Variants in ARHGEF28 observed in about 807,000 individuals in gnomAD.
ARHGEF28 encodes the protein 190 kDa guanine nucleotide exchange factor.
In ARHGEF28, 152 loss-of-function variants were observed where a neutral mutation model predicts 206.6. The observed-to-expected ratio is 0.74, with a 90% confidence interval of 0.64 to 0.84. The LOEUF (loss-of-function observed/expected upper bound fraction) is 0.84, where lower values mean the gene tolerates loss of function less well. ARHGEF28 is among the 40% of genes least tolerant of loss of function. The pLI, the probability that ARHGEF28 is intolerant of heterozygous loss-of-function variation, is 0.00. For synonymous variants in ARHGEF28, 763 were observed against 776.4 expected (o/e 0.98, Z 0.29); for missense variants, 2,028 against 2,073.2 (o/e 0.98, Z 0.42).
intron 1 of ARHGEF28, among the ~76,000 whole-genome samples, chr5:73,660,104 C>G (rs1373519268): frequency 6.6e-6 from 1 of 152,168 alleles, no homozygotes; most frequent in Non-Finnish European, 1.5e-5. Context: ...ATACTTCTTT[C>G]AAATCTGGAG....
At chr5:73,767,326 G>T (rs1370602213) in intron 4 of ARHGEF28, among the ~76,000 whole-genome samples, 1 of 152,184 alleles carries the variant, frequency 6.6e-6, no homozygotes, top group Non-Finnish European at 1.5e-5. Context: ...ACAGGCAGGG[G>T]TTGGAACAAT....
At chr5:73,815,251 A>AGCTC (rs61595479) in intron 9 of ARHGEF28, among the ~76,000 whole-genome samples, 11,610 of 152,010 alleles carry the variant, frequency 0.076, 773 homozygotes, top group African/African-American at 0.17. Context: ...CTCGTACACA[A>AGCTC]ATAGAAAATG....
At chr5:73,819,924 T>G (rs1220912198) in intron 9 of ARHGEF28, among the ~76,000 whole-genome samples, 1 of 152,224 alleles carries the variant, frequency 6.6e-6, no homozygotes, top group Non-Finnish European at 1.5e-5. Context: ...CAGCATTGTA[T>G]CTCCTGTGTC....
chr5:73,710,300 G>A (rs1190182037), intron 2 of ARHGEF28, among the ~76,000 whole-genome samples: 1 of 152,164 alleles, frequency 6.6e-6, no homozygotes, highest in Non-Finnish European at 1.5e-5. Context: ...CTTCCCTAGT[G>A]AACAGTAATG....
Position 73,882,492 on chromosome 5 carries a change from T to C in ARHGEF28, c.2835T>C (p.Ser945=), listed in dbSNP as rs768196059. The C allele has an allele frequency of 8.2e-6, 12 of 1,459,172 alleles. No homozygotes were observed. The highest frequency in any genetic ancestry group is 5.2e-5 in the Admixed American group (2 of 38,636). 90.4% of individuals were successfully genotyped at this position (1,459,172 alleles called of 1,614,324 possible). A position where few individuals can be genotyped will look rare whatever the true frequency, so the allele number is the denominator to read the frequency against. Residue 945 remains serine (S), a synonymous_variant, in exon 23 of 36, where the codon AGT becomes AGC. Coordinates refer to ENST00000513042, the MANE Select transcript of ARHGEF28 (RefSeq NM_001177693.2). ...TCCAGTTTTCAGAAGAAAATGCAAG[T>C]AAAATGAAGAAAATATATGGAGAAT... ...LVQQFSEENA[S]KMKKIYGEFC...
chr5:73,821,064 A>G (rs1169667330), intron 9 of ARHGEF28, among the ~76,000 whole-genome samples: 2 of 152,086 alleles, frequency 1.3e-5, no homozygotes, highest in Non-Finnish European at 2.9e-5. Context: ...ATCCCTGACA[A>G]TCGAGAGTCC....
intron 2 of ARHGEF28, among the ~76,000 whole-genome samples, chr5:73,740,309 TATTATA>T: frequency 6.6e-6 from 1 of 152,204 alleles, no homozygotes; most frequent in South Asian, 2.1e-4. Flanking sequence ...ATATACCAGA[TATTATA>T]GATTCTAGAC....
intron 1 of ARHGEF28, among the ~76,000 whole-genome samples, chr5:73,632,510 T>C (rs1678480352): frequency 6.6e-6 from 1 of 152,214 alleles, no homozygotes; most frequent in African/African-American, 2.4e-5. Context: ...TTTGGAAAGC[T>C]TAGACTTTTA....
In ARHGEF28 at chr5:73,757,137, G is replaced by A. The variant is rs535218802; in HGVS notation, c.475+3935G>A. Among the ~76,000 whole-genome samples the A allele has an allele frequency of 1.2e-3, 188 of 152,062 alleles. 2 individuals carry two copies. The highest frequency in any genetic ancestry group is 4.4e-3 in the African/African-American group (183 of 41,470). Reference sequence around the variant, plus strand: ...TTTAAAACCTCTTATGTGCTTATAGGTCTTTTTTAGTATACATATTTTATT... The same window carrying A: ...TTTAAAACCTCTTATGTGCTTATAGATCTTTTTTAGTATACATATTTTATT... On this transcript the variant is annotated intron_variant, in intron 4 of 35. Transcript: ENST00000513042.
At chr5:73,792,872 G>A (rs1311317076) in intron 7 of ARHGEF28, among the ~76,000 whole-genome samples, 1 of 152,102 alleles carries the variant, frequency 6.6e-6, no homozygotes, top group Non-Finnish European at 1.5e-5. Flanking sequence ...GCAGGTCCTT[G>A]AAGGGTGAAA....
intron 7 of ARHGEF28, among the ~76,000 whole-genome samples, chr5:73,784,125 TA>T (rs35883511): frequency 0.049 from 7,238 of 147,378 alleles, 558 homozygotes; most frequent in African/African-American, 0.17. Context: ...AGCTTCCTCT[TA>T]AAAAAAAAAA....
rs748595873 is a variant in ARHGEF28 at position 73,780,755 on chromosome 5, C to T, written c.910+10C>T. 1.0e-5 allele frequency: 16 copies of T among 1,554,206 alleles called. No individual in the cohort carries two copies. Among genetic ancestry groups the T allele is most frequent in the South Asian group, 9.5e-5 (8 of 84,158 alleles). On this transcript the variant is annotated intron_variant, in intron 7 of 35. Coordinates refer to ENST00000513042, the MANE Select transcript of ARHGEF28 (RefSeq NM_001177693.2). ...GCAGAAACTGAAGAAGGTACGCATG[C>T]TCCTTTCCCACTTATGGCAGCCACA... is the stretch of plus-strand genomic sequence containing the variant.
At chr5:73,720,159 A>T (rs974289761) in intron 2 of ARHGEF28, among the ~76,000 whole-genome samples, 1 of 152,262 alleles carries the variant, frequency 6.6e-6, no homozygotes, top group African/African-American at 2.4e-5. Context: ...ATAAATATTT[A>T]AAACAACATA....
At position 73,882,609 on chromosome 5, in the gene ARHGEF28, A is replaced by G. The variant is rs140948646; in HGVS notation, c.2937+15A>G. ...ATTTTATTAAGGCAAGTATTTTAAA[A>G]CTTTATTACAAAGTGATAAATCAGC... On this transcript the variant is annotated intron_variant, in intron 23 of 35. Transcript: ENST00000513042. 2.4e-3 allele frequency: 3,453 copies of G among 1,462,490 alleles called. 13 individuals are homozygous for G. Among genetic ancestry groups the G allele is most frequent in the Non-Finnish European group, 2.4e-3 (2,658 of 1,097,668 alleles). 90.6% of individuals were successfully genotyped at this position (1,462,490 alleles called of 1,614,324 possible).
At chr5:73,707,055 G>T (rs1009108946) in intron 2 of ARHGEF28, among the ~76,000 whole-genome samples, 2 of 152,182 alleles carry the variant, frequency 1.3e-5, no homozygotes, top group African/African-American at 4.8e-5. Context: ...GAAATCTGCT[G>T]TTTTCTGGTC....
intron 9 of ARHGEF28, among the ~76,000 whole-genome samples, chr5:73,827,538 T>C (rs544157592): frequency 6.6e-6 from 1 of 152,248 alleles, no homozygotes; most frequent in African/African-American, 2.4e-5. Context: ...ATTTTACAGA[T>C]CAGGAAATGC....
chr5:73,822,061 G>T (rs950440554), intron 9 of ARHGEF28, among the ~76,000 whole-genome samples: 2 of 152,120 alleles, frequency 1.3e-5, no homozygotes, highest in African/African-American at 2.4e-5. Flanking sequence ...CTTCAATAAT[G>T]TTGATTAGTT....
chr5:73,809,466 C>T (rs1287366621), intron 9 of ARHGEF28, among the ~76,000 whole-genome samples: 1 of 152,148 alleles, frequency 6.6e-6, no homozygotes, highest in Non-Finnish European at 1.5e-5. Flanking sequence ...ATTATTTGAA[C>T]CCGGATATCT....
chr5:73,917,272 CTCTT>C (rs1409457010), intron 35 of ARHGEF28, among the ~76,000 whole-genome samples: 17 of 152,180 alleles, frequency 1.1e-4, no homozygotes, highest in African/African-American at 3.1e-4. Context: ...CATCTGGCAA[CTCTT>C]TCTTCTAGAA....
Sources: allele counts gnomAD v4.1 joint callset (sites outside exome capture counted in the v4.1 genomes callset), GRCh38; gene constraint gnomAD v4.1.1; transcripts MANE v1.5; gene names NCBI Gene and HGNC (gene_info 2026-07-23, HGNC 2026-07-21).